The following SMARCD3 variants were observed in gnomAD, a reference collection of about 807,000 sequenced individuals.
SMARCD3 encodes the protein SWI/SNF related BAF chromatin remodeling complex subunit D3, also known as SWI/SNF-related matrix-associated actin-dependent regulator of chromatin subfamily D member 3.
A neutral mutation model predicts 58.0 loss-of-function variants in SMARCD3; 14 were observed. The observed-to-expected ratio is 0.24, with a 90% confidence interval of 0.16 to 0.38. The LOEUF (loss-of-function observed/expected upper bound fraction) is 0.38, where lower values mean the gene tolerates loss of function less well. Ranked by LOEUF, SMARCD3 falls within the 10% of genes least tolerant of loss-of-function variation. The pLI, the probability that SMARCD3 is intolerant of heterozygous loss-of-function variation, is 1.00. For missense variants in SMARCD3, 408 were observed against 636.9 expected (o/e 0.64, Z 3.87); for synonymous variants, 253 against 253.8 (o/e 1.00, Z 0.03).
Position 151,246,159 on chromosome 7 carries a change from C to A in SMARCD3, c.79-488G>T, listed in dbSNP as rs371548794. On this transcript the variant is annotated intron_variant, in intron 1 of 12. Transcript: ENST00000262188. The surrounding 1 kb of genome is among the most constrained non-coding windows in gnomAD (Gnocchi z 4.4). ...TGCCTCCTGGGGGCCCAGGGCTTTG[C>A]TCTCTGCGGCTTGGTTGAGGTCCGG... The A allele has an allele frequency of 1.3e-5, 2 of 152,252 alleles. No individual in the cohort carries two copies. The highest frequency in any genetic ancestry group is 4.8e-5 in the African/African-American group (2 of 41,398). 9.4% of individuals were successfully genotyped at this position (152,252 alleles called of 1,614,324 possible).
rs1563652043 is a variant in SMARCD3 at position 151,242,677 on chromosome 7, TCA to T, written c.456+42_456+43del. The T allele has an allele frequency of 6.2e-7, 1 of 1,613,298 alleles. No individual in the cohort carries two copies. Among genetic ancestry groups the T allele is most frequent in the South Asian group, 1.1e-5 (1 of 91,070 alleles). Reference sequence around the variant, plus strand: ...CGACCACCCTGCTTCCCCATCCTGGTCACACAACTCTAGAGTCCCCTTCCTAC... The same window carrying T: ...CGACCACCCTGCTTCCCCATCCTGGTCACAACTCTAGAGTCCCCTTCCTAC... On this transcript the variant is annotated intron_variant, in intron 4 of 12. Transcript: ENST00000262188. The surrounding 1 kb of genome is among the most constrained non-coding windows in gnomAD (Gnocchi z 4.7).
intron 2 of SMARCD3, among the ~76,000 whole-genome samples, chr7:151,274,177 G>A (rs139415985): frequency 1.3e-5 from 2 of 152,350 alleles, no homozygotes; most frequent in African/African-American, 2.4e-5. Context: ...CTGAGGACAG[G>A]GACTGGGCTC....
intron 2 of SMARCD3, among the ~76,000 whole-genome samples, chr7:151,274,281 G>T (rs962473544): frequency 1.3e-5 from 2 of 152,262 alleles, no homozygotes; most frequent in Non-Finnish European, 2.9e-5. Context: ...GGCTGGGCAG[G>T]CAGAGCTCAG....
upstream of SMARCD3, among the ~76,000 whole-genome samples, chr7:151,251,903 G>C (rs1481917462): frequency 1.4e-5 from 2 of 146,630 alleles, no homozygotes; most frequent in African/African-American, 4.9e-5. Context: ...GGCGGCCGGG[G>C]AGCTGGGGGG....
chr7:151,259,940 G>A (rs1004028183), intron 2 of SMARCD3, among the ~76,000 whole-genome samples: 11 of 152,112 alleles, frequency 7.2e-5, no homozygotes, highest in African/African-American at 2.2e-4. Flanking sequence ...TAATAACATC[G>A]GCTTAGATTT....
chr7:151,239,833 A>AG lies in SMARCD3; in HGVS notation c.1174-88dup. The AG allele has an allele frequency of 7.3e-7, 1 of 1,375,864 alleles. No individual in the cohort carries two copies. Among genetic ancestry groups the AG allele is most frequent in the Non-Finnish European group, 1.0e-6 (1 of 976,684 alleles). The allele number at this position is 1,375,864 out of a possible 1,614,324, so 85.2% of individuals were successfully genotyped here. On this transcript the variant is annotated intron_variant, in intron 10 of 12. Transcript: ENST00000262188. This position sits in a 1 kb window ranked among gnomAD's most constrained non-coding sequence, Gnocchi z 7.0. ...GGAAGCGGGTGGGAAGGGGAGGGAG[A>AG]GGGGGTTTCTTCTGTGAAGGACAAC... is the stretch of plus-strand genomic sequence containing the variant.
chr7:151,262,125 T>C (rs1015514520), intron 2 of SMARCD3, among the ~76,000 whole-genome samples: 2 of 151,882 alleles, frequency 1.3e-5, no homozygotes, highest in Non-Finnish European at 2.9e-5. Flanking sequence ...TTTTGCTCTG[T>C]CGTCTAGACT....
chr7:151,270,906 T>C (rs1418582744), intron 2 of SMARCD3, among the ~76,000 whole-genome samples: 2 of 152,098 alleles, frequency 1.3e-5, no homozygotes, highest in Admixed American at 6.5e-5. Flanking sequence ...TTGACACTTA[T>C]CTAGGAAATA....
rs372083253 is a variant in SMARCD3, at chr7:151,242,652, C to A, written c.457-49G>T. 6.2e-7 allele frequency: 1 copy of A among 1,612,386 alleles called. No homozygotes were observed. Among genetic ancestry groups the A allele is most frequent in the South Asian group, 1.1e-5 (1 of 91,052 alleles). ...GGGCGAATGCTGTGTGCTCCCACCCCGACCACCCTGCTTCCCCATCCTGGT... is the reference window on the plus strand; with the variant it reads ...GGGCGAATGCTGTGTGCTCCCACCCAGACCACCCTGCTTCCCCATCCTGGT... On this transcript the variant is annotated intron_variant, in intron 4 of 12. Coordinates refer to ENST00000262188, the MANE Select transcript of SMARCD3 (RefSeq NM_001003801.2). This position sits in a 1 kb window ranked among gnomAD's most constrained non-coding sequence, Gnocchi z 4.7.
At position 151,248,541 on chromosome 7, in the gene SMARCD3, C is replaced by A. The variant is rs1387907376; in HGVS notation, c.22G>T (p.Gly8Ter). ...CTTTTCGTGGCTTTGCGCGCCCCTC[C>A]GGCAACTTCGTCCGCGGCCATCGGG... MAADEVA[G>*]GARKATKSKL... The change falls in exon 1 of 13, where the codon GGA becomes TGA. Residue 8 changes from glycine to a stop codon, truncating the protein, a stop_gained. Transcript: ENST00000262188. LOFTEE classifies it high-confidence loss of function. The surrounding 1 kb of genome is among the most constrained non-coding windows in gnomAD (Gnocchi z 6.1). The A allele has an allele frequency of 6.2e-7, 1 of 1,613,692 alleles. No individual in the cohort carries two copies. The highest frequency in any genetic ancestry group is 1.3e-5 in the African/African-American group (1 of 74,918).
At position 151,259,609 on chromosome 7, in the gene SMARCD3, T is replaced by TTTTTG. The variant is rs1428085525; in HGVS notation, c.40-13939_40-13938insCAAAA. 3.2e-4 allele frequency among the ~76,000 whole-genome samples: 31 copies of TTTTTG among 97,720 alleles called. 4 individuals are homozygous for TTTTTG. Among genetic ancestry groups the TTTTTG allele is most frequent in the African/African-American group, 1.6e-3 (29 of 17,724 alleles). The allele number at this position is 97,720 out of a possible 152,430, so 64.1% of individuals were successfully genotyped here. Reference sequence around the variant, plus strand: ...GAGGTTACAACCTGAGAGTTTTTTTTTTTTTTTTTTTTTTTTTGAGACGGA... The same window carrying TTTTTG: ...GAGGTTACAACCTGAGAGTTTTTTTTTTTTGTTTTTTTTTTTTTTTTTGAGACGGA... On this transcript the variant is annotated intron_variant, in intron 2 of 13. Coordinates refer to the SMARCD3 transcript ENST00000356800.
intron 2 of SMARCD3, among the ~76,000 whole-genome samples, chr7:151,271,843 T>C (rs1194938356): frequency 1.3e-5 from 2 of 152,060 alleles, no homozygotes. Context: ...ACGCTTGTAG[T>C]CCCAGTTACT....
chr7:151,253,914 G>C (rs1330267770), intron 2 of SMARCD3, among the ~76,000 whole-genome samples: 2 of 152,152 alleles, frequency 1.3e-5, no homozygotes, highest in African/African-American at 4.8e-5. Context: ...CTGGAGGGAG[G>C]GATGGGTCAC....
At chr7:151,251,897 G>A (rs968610344), upstream of SMARCD3, among the ~76,000 whole-genome samples, 5 of 147,034 alleles carry the variant, frequency 3.4e-5, no homozygotes, top group Admixed American at 6.7e-5. Context: ...GCGGGCGGCG[G>A]CCGGGGAGCT....
In SMARCD3 at chr7:151,248,124, C is replaced by A. The variant is rs1186179261; in HGVS notation, c.78+361G>T. On this transcript the variant is annotated intron_variant, in intron 1 of 12. Coordinates refer to ENST00000262188, the MANE Select transcript of SMARCD3 (RefSeq NM_001003801.2). The surrounding 1 kb of genome is among the most constrained non-coding windows in gnomAD (Gnocchi z 6.1). ...CCAGCCTCTGCCATGTCCCCATCCC[C>A]CACCCCCACCCCCAGGGCAGGGGCA... 1.3e-5 allele frequency among the ~76,000 whole-genome samples: 2 copies of A among 152,068 alleles called. No homozygotes were observed. The highest frequency in any genetic ancestry group is 4.1e-4 in the South Asian group (2 of 4,820).
chr7:151,269,810 G>A (rs182004199), intron 2 of SMARCD3, among the ~76,000 whole-genome samples: 8 of 152,322 alleles, frequency 5.3e-5, no homozygotes, highest in Admixed American at 2.0e-4. Context: ...CAGAAGGTCC[G>A]CCATCACCAT....
In SMARCD3 at chr7:151,275,172, C is replaced by G. The variant is rs747366246; in HGVS notation, c.-20G>C. 3.7e-6 allele frequency: 6 copies of G among 1,609,956 alleles called. No homozygotes were observed. The Admixed American group carries it at 1.0e-4, about 27-fold the overall frequency. On this transcript the variant is annotated 5_prime_UTR_variant, in exon 2 of 14. Transcript: ENST00000356800. ...AGTCATAGATGGCAGGGTCCTGCAC[C>G]TGGAGAGTCATCCAGTGCCCCCTCG...
intron 2 of SMARCD3, among the ~76,000 whole-genome samples, chr7:151,258,784 G>A (rs1184917187): frequency 1.3e-5 from 2 of 151,792 alleles, no homozygotes; most frequent in African/African-American, 2.4e-5. Flanking sequence ...GGCTCCCTGT[G>A]GTGCTTTGGA....
Position 151,242,588 on chromosome 7 carries a change from G to C in SMARCD3, c.472C>G (p.Arg158Gly). The C allele has an allele frequency of 6.2e-7, 1 of 1,613,178 alleles. No individual in the cohort carries two copies. The highest frequency in any genetic ancestry group is 8.5e-7 in the Non-Finnish European group (1 of 1,179,212). The change falls in exon 5 of 13, where the codon CGA becomes GGA. Residue 158 changes from arginine to glycine, a missense_variant. Arg to Gly is a moderately radical substitution (Grantham distance 125). Transcript: ENST00000262188. The surrounding 1 kb of genome is among the most constrained non-coding windows in gnomAD (Gnocchi z 4.7). ...KRPMKQKRKLRLYISNTFNPA... is the reference protein window; with the variant it reads ...KRPMKQKRKLGLYISNTFNPA... ...TTAAAAGTGTTGGAGATATAGAGTC[G>C]CAGCTTCCGCTTTTGCTGTAGAAAT...
Sources: gnomAD v4.1 joint callset for allele counts (sites outside exome capture counted in the v4.1 genomes callset) on GRCh38, gnomAD v4.1.1 for gene constraint, Gnocchi (gnomAD v3.1) non-coding constraint, MANE v1.5 for transcripts, NCBI Gene and HGNC (gene_info 2026-07-23, HGNC 2026-07-21) for gene names.